PCDHA2: variants seen among roughly 807,000 people sequenced by gnomAD.
PCDHA2 encodes protocadherin alpha-2.
Under a neutral mutation model 66.0 loss-of-function variants are expected in PCDHA2, and 58 were observed. That is an observed-to-expected ratio of 0.88 (90% CI 0.71 to 1.09). The LOEUF is 1.09. Among genes scored for constraint, PCDHA2 ranks in the 50% least tolerant of loss-of-function variants. PCDHA2 has a pLI of 0.00. For synonymous variants in PCDHA2, 634 were observed against 554.0 expected (o/e 1.14, Z -2.03); for missense variants, 1,267 against 1,242.3 (o/e 1.02, Z -0.30).
chr5:140,928,791 G>A, intron 1 of PCDHA2: 1 of 1,614,138 alleles, frequency 6.2e-7, no homozygotes, highest in South Asian at 1.1e-5. Flanking sequence ...TTAAGCAGAG[G>A]GTGGTGGTAG....
chr5:140,916,621 C>T (rs1031371866), intron 1 of PCDHA2, among the ~76,000 whole-genome samples: 8 of 152,200 alleles, frequency 5.3e-5, no homozygotes, highest in Non-Finnish European at 1.2e-4. Flanking sequence ...TGACTCTACT[C>T]AATGCCCTAT....
At chr5:140,827,588 A>G (rs1422451119) in intron 1 of PCDHA2, among the ~76,000 whole-genome samples, 13 of 152,256 alleles carry the variant, frequency 8.5e-5, no homozygotes, top group Non-Finnish European at 1.9e-4. Flanking sequence ...TGTCCTAGGA[A>G]AGACAGATGT....
At chr5:140,993,032 G>A (rs1356944264) in intron 3 of PCDHA2, among the ~76,000 whole-genome samples, 2 of 152,286 alleles carry the variant, frequency 1.3e-5, no homozygotes, top group South Asian at 2.1e-4. Flanking sequence ...TGTGGGCTCC[G>A]TGTGTCATCA....
At chr5:140,802,507 C>T (rs2149960519) in intron 1 of PCDHA2, 2 of 1,614,154 alleles carry the variant, frequency 1.2e-6, no homozygotes, top group Non-Finnish European at 1.7e-6. Flanking sequence ...TCACTGTGGG[C>T]CACGGCCAGC....
intron 1 of PCDHA2, chr5:140,848,760 C>T (rs2150419620): frequency 6.3e-7 from 1 of 1,593,332 alleles, no homozygotes; most frequent in South Asian, 1.1e-5. Context: ...TGTGAATTCT[C>T]GGATCGACCG....
At chr5:140,985,203 T>C (rs1274620928) in intron 3 of PCDHA2, among the ~76,000 whole-genome samples, 1 of 152,092 alleles carries the variant, frequency 6.6e-6, no homozygotes, top group Non-Finnish European at 1.5e-5. Flanking sequence ...TCCCAAAGTG[T>C]TGGGATTACA....
chr5:140,962,787 C>T (rs2095707732), intron 1 of PCDHA2, among the ~76,000 whole-genome samples: 1 of 152,224 alleles, frequency 6.6e-6, no homozygotes, highest in Non-Finnish European at 1.5e-5. Context: ...TTTTTAAAAA[C>T]TACTTTGGAC....
At chr5:140,891,317 C>A (rs2063039508) in intron 1 of PCDHA2, among the ~76,000 whole-genome samples, 1 of 151,808 alleles carries the variant, frequency 6.6e-6, no homozygotes, top group South Asian at 2.1e-4. Context: ...TGAGTAAGTT[C>A]TTTGGTGGTG....
chr5:140,834,648 C>T (rs1554134397), intron 1 of PCDHA2: 3 of 1,614,200 alleles, frequency 1.9e-6, no homozygotes, highest in Admixed American at 1.7e-5. Flanking sequence ...TGTGAATTCT[C>T]GGATCGACCG....
At chr5:140,872,095 C>G (rs2053482377) in intron 1 of PCDHA2, among the ~76,000 whole-genome samples, 1 of 152,150 alleles carries the variant, frequency 6.6e-6, no homozygotes, top group African/African-American at 2.4e-5. Context: ...GCACTTAGTC[C>G]ATTGGCTTTC....
At chr5:140,989,940 G>A (rs947716591) in intron 3 of PCDHA2, among the ~76,000 whole-genome samples, 9 of 152,062 alleles carry the variant, frequency 5.9e-5, no homozygotes, top group Admixed American at 1.3e-4. Flanking sequence ...GACATTCCAC[G>A]TTTTTCTCGG....
intron 1 of PCDHA2, among the ~76,000 whole-genome samples, chr5:140,915,121 A>G (rs982484419): frequency 1.1e-4 from 16 of 151,600 alleles, no homozygotes; most frequent in African/African-American, 3.9e-4. Flanking sequence ...CCTAATTTTT[A>G]TATTTTTAGT....
intron 1 of PCDHA2, among the ~76,000 whole-genome samples, chr5:140,935,777 T>C (rs1306193430): frequency 6.6e-6 from 1 of 152,190 alleles, no homozygotes; most frequent in African/African-American, 2.4e-5. Flanking sequence ...TTTGAGTTTT[T>C]TCACTTAAAA....
In PCDHA2 at chr5:140,981,860, A is replaced by C. The variant is rs377325751; in HGVS notation, c.2448-615A>C. On this transcript the variant is annotated intron_variant, in intron 2 of 3. Coordinates refer to ENST00000526136, the MANE Select transcript of PCDHA2 (RefSeq NM_018905.3). ...TCCCAGTTTGTATCTCACTCCCAGC[A>C]ATGTTTTATGCTGAATTAATCTCTT... Among the ~76,000 whole-genome samples the C allele has an allele frequency of 1.1e-3, 166 of 152,246 alleles. 1 individual carries two copies. The highest frequency in any genetic ancestry group is 3.9e-3 in the African/African-American group (160 of 41,532).
At position 140,807,809 on chromosome 5, in the gene PCDHA2, A is replaced by AT. The variant is rs782733777; in HGVS notation, c.2388+10464dup. The AT allele has an allele frequency of 6.8e-6, 11 of 1,613,960 alleles. 1 individual carries two copies. In the African/African-American group the frequency reaches 8.0e-5, roughly 12 times the overall value. On this transcript the variant is annotated intron_variant, in intron 1 of 3. Coordinates refer to ENST00000526136, the MANE Select transcript of PCDHA2 (RefSeq NM_018905.3). ...TTTAGACAGAGAAGAAGCTCCGGAG[A>AT]TTTTTTTAGTGCTCACAGCCACTGA...
chr5:140,854,176 AG>A (rs2150310267), intron 1 of PCDHA2: 7 of 663,702 alleles, frequency 1.1e-5, no homozygotes, highest in East Asian at 1.3e-4. Flanking sequence ...AAAAAAAAAA[AG>A]AGTAGTTTAA....
intron 1 of PCDHA2, chr5:140,824,614 T>TG (rs1768228041): frequency 1.6e-5 from 2 of 124,554 alleles, no homozygotes; most frequent in South Asian, 2.4e-4. Flanking sequence ...ATTAAAGTTT[T>TG]TTTTTTTTTT....
At chr5:140,843,596 T>A in intron 1 of PCDHA2, 1 of 1,596,026 alleles carries the variant, frequency 6.3e-7, no homozygotes, top group Non-Finnish European at 8.6e-7. Flanking sequence ...GCAGAGGGTG[T>A]GCTCTGGTGA....
chr5:140,997,672 GTGT>G (rs1226412114), intron 3 of PCDHA2, among the ~76,000 whole-genome samples: 3 of 148,192 alleles, frequency 2.0e-5, no homozygotes, highest in African/African-American at 7.5e-5. Context: ...TACAGCTTGT[GTGT>G]GTGTGTGTGT....
Sources: gnomAD v4.1 joint callset for allele counts (sites outside exome capture counted in the v4.1 genomes callset) on GRCh38, gnomAD v4.1.1 for gene constraint, MANE v1.5 for transcripts, NCBI Gene and HGNC (gene_info 2026-07-23, HGNC 2026-07-21) for gene names.